Variants in KPNA1 observed in about 807,000 individuals in gnomAD.
KPNA1 encodes karyopherin subunit alpha 1.
KPNA1 carries 10 observed loss-of-function variants against 70.5 expected under a neutral mutation model. The ratio of observed to expected loss-of-function variants is 0.14; its 90% CI spans 0.09 to 0.24. The LOEUF (loss-of-function observed/expected upper bound fraction) is 0.24, where lower values mean the gene tolerates loss of function less well. Ranked by LOEUF, KPNA1 falls within the 10% of genes least tolerant of loss-of-function variation. KPNA1 has a pLI of 1.00. For synonymous variants in KPNA1, 192 were observed against 221.9 expected (o/e 0.87, Z 1.20); for missense variants, 397 against 637.9 (o/e 0.62, Z 4.07).
At chr3:122,427,382 A>G (rs558030035) in intron 13 of KPNA1, 156 bp downstream of exon 13, 54 of 780,744 alleles carry the variant, frequency 6.9e-5, no homozygotes, top group Non-Finnish European at 9.4e-5. Flanking sequence ...GACATCTTAA[A>G]TACATATGCA....
chr3:122,502,074 T>C (rs879152752), intron 1 of KPNA1, among the ~76,000 whole-genome samples: 1 of 152,188 alleles, frequency 6.6e-6, no homozygotes, highest in Admixed American at 6.5e-5. Context: ...TGCTACCACA[T>C]CTTCTATTTT....
At chr3:122,440,643 T>C (rs1372985667) in intron 10 of KPNA1, among the ~76,000 whole-genome samples, 1 of 152,242 alleles carries the variant, frequency 6.6e-6, no homozygotes, top group African/African-American at 2.4e-5. Context: ...GTTCCCTGTA[T>C]ATCCTTCCAG....
At chr3:122,489,466 T>C (rs1252353634) in intron 2 of KPNA1, among the ~76,000 whole-genome samples, 3 of 151,812 alleles carry the variant, frequency 2.0e-5, no homozygotes, top group South Asian at 2.1e-4. Flanking sequence ...TTTTATTTAT[T>C]TATCTTTTGG....
At chr3:122,504,588 C>T (rs2076868625) in intron 1 of KPNA1, among the ~76,000 whole-genome samples, 1 of 152,188 alleles carries the variant, frequency 6.6e-6, no homozygotes, top group African/African-American at 2.4e-5. Context: ...AAACCCTGTA[C>T]TTTCCATTCA....
chr3:122,505,902 C>T (rs890923533), intron 1 of KPNA1, among the ~76,000 whole-genome samples: 9 of 152,224 alleles, frequency 5.9e-5, no homozygotes, highest in Admixed American at 5.2e-4. Context: ...AGACTCTTTG[C>T]TCCTCAATTC....
chr3:122,449,642 A>G lies in KPNA1; in HGVS notation c.849T>C (p.Asp283=), dbSNP rs928165864. 1.2e-6 allele frequency: 2 copies of G among 1,613,946 alleles called. No homozygotes were observed. The highest frequency in any genetic ancestry group is 1.3e-5 in the African/African-American group (1 of 75,048). The part of the protein sequence containing the change: ...DACWALSYLS[D]GPNDKIQAVI... ...CCGCTTGAATTTTATCATTGGGTCCATCTGATAGATATGAGAGGGCCCAGC... is the reference window on the plus strand; with the variant it reads ...CCGCTTGAATTTTATCATTGGGTCCGTCTGATAGATATGAGAGGGCCCAGC... The change falls in exon 9 of 14, where the codon GAT becomes GAC. Residue 283 remains aspartate (D), a synonymous_variant. Coordinates refer to ENST00000344337, the MANE Select transcript of KPNA1 (RefSeq NM_002264.4).
At chr3:122,490,354 T>C (rs2076684198) in intron 2 of KPNA1, among the ~76,000 whole-genome samples, 1 of 152,246 alleles carries the variant, frequency 6.6e-6, no homozygotes, top group African/African-American at 2.4e-5. Flanking sequence ...GTTTCCCATC[T>C]TTAGAGATCA....
At chr3:122,452,765 C>T (rs922610052) in intron 6 of KPNA1, among the ~76,000 whole-genome samples, 4 of 142,296 alleles carry the variant, frequency 2.8e-5, no homozygotes, top group Admixed American at 7.0e-5. Context: ...GAAGGAGAGA[C>T]GGAGAGAAGG....
intron 1 of KPNA1, among the ~76,000 whole-genome samples, chr3:122,506,260 T>C (rs2076889046): frequency 6.6e-6 from 1 of 152,208 alleles, no homozygotes; most frequent in Non-Finnish European, 1.5e-5. Flanking sequence ...AATTCCACCA[T>C]ATAAATCAGG....
chr3:122,449,777 A>G (rs1364234580), intron 8 of KPNA1, 40 bp from the exon 9 acceptor site: 5 of 1,560,994 alleles, frequency 3.2e-6, no homozygotes, highest in Non-Finnish European at 3.5e-6. Flanking sequence ...TCAATAGACT[A>G]AAAGCCAGAA....
In KPNA1 at chr3:122,437,263, T is replaced by G. The variant is rs1307849833; in HGVS notation, c.1029A>C (p.Leu343Phe). 2 of 1,613,684 alleles carry G rather than the reference T, an allele frequency of 1.2e-6. No individual in the cohort carries two copies. The highest frequency in any genetic ancestry group is 1.7e-6 in the Non-Finnish European group (2 of 1,179,680). The change falls in exon 11 of 14, where the codon TTA becomes TTC. Residue 343 changes from leucine to phenylalanine, a missense_variant. Physicochemically the swap from Leu to Phe is conservative, Grantham distance 22. Transcript: ENST00000344337. The part of the protein sequence containing the change: ...VILNCSALQS[L>F]LHLLSSPKES... Reference sequence around the variant, plus strand: ...CCTTTGGGCTACTCAGCAAATGCAATAAACTCTGCAGAGCTGAGCAATTCA... The same window carrying G: ...CCTTTGGGCTACTCAGCAAATGCAAGAAACTCTGCAGAGCTGAGCAATTCA...
intron 9 of KPNA1, among the ~76,000 whole-genome samples, chr3:122,446,391 T>C (rs1028770630): frequency 6.6e-6 from 1 of 152,160 alleles, no homozygotes; most frequent in Non-Finnish European, 1.5e-5. Flanking sequence ...CACAACTACA[T>C]GGAAACTGAA....
intron 9 of KPNA1, among the ~76,000 whole-genome samples, chr3:122,444,379 A>G (rs2076106763): frequency 6.6e-6 from 1 of 152,254 alleles, no homozygotes. Context: ...GACAGGATTA[A>G]GAGATTAAAG....
chr3:122,460,077 T>C (rs2076306425), intron 5 of KPNA1: 2 of 985,306 alleles, frequency 2.0e-6, no homozygotes, highest in South Asian at 4.7e-5. Context: ...TAATCCCATT[T>C]TGTGATCAAC....
chr3:122,469,128 T>C (rs879423203), intron 2 of KPNA1, among the ~76,000 whole-genome samples: 1 of 152,172 alleles, frequency 6.6e-6, no homozygotes, highest in Non-Finnish European at 1.5e-5. Context: ...ACTGTTTCAG[T>C]ACTGACTGAC....
intron 5 of KPNA1, chr3:122,457,755 G>A: frequency 7.8e-7 from 1 of 1,289,672 alleles, no homozygotes; most frequent in Non-Finnish European, 1.0e-6. Context: ...TCCAGGTTGA[G>A]GTACGCCTGG....
At position 122,421,991 on chromosome 3, in the gene KPNA1, G is replaced by C. The variant is rs2075770231; in HGVS notation, c.*4994C>G. The C allele has an allele frequency of 6.6e-6, 1 of 152,186 alleles. No individual in the cohort carries two copies. The highest frequency in any genetic ancestry group is 2.1e-4 in the South Asian group (1 of 4,836). The allele number at this position is 152,186 out of a possible 1,614,324, so 9.4% of individuals were successfully genotyped here. ...TTTATTGAATGTCTACTATGTGCAA[G>C]GCACTCACCCATGGCCTGACAGACC... On this transcript the variant is annotated 3_prime_UTR_variant, in exon 14 of 14. Coordinates refer to ENST00000344337, the MANE Select transcript of KPNA1 (RefSeq NM_002264.4).
intron 2 of KPNA1, among the ~76,000 whole-genome samples, chr3:122,481,716 C>T (rs2076573167): frequency 1.3e-5 from 2 of 152,210 alleles, no homozygotes; most frequent in Non-Finnish European, 2.9e-5. Flanking sequence ...AAAGCCAATG[C>T]TAGCTAACAG....
At chr3:122,459,628 G>GT (rs2076300409) in intron 5 of KPNA1, 1 of 985,266 alleles carries the variant, frequency 1.0e-6, no homozygotes, top group African/African-American at 1.7e-5. Context: ...TATTTTTCAG[G>GT]TGTCTGATGA....
Sources: allele counts gnomAD v4.1 joint callset (sites outside exome capture counted in the v4.1 genomes callset), GRCh38; gene constraint gnomAD v4.1.1; transcripts MANE v1.5; gene names NCBI Gene and HGNC (gene_info 2026-07-23, HGNC 2026-07-21).